PRKG1: variants seen among roughly 807,000 people sequenced by gnomAD.
PRKG1 encodes protein kinase cGMP-dependent 1.
In PRKG1, 35 loss-of-function variants were observed where a neutral mutation model predicts 88.1. That is an observed-to-expected ratio of 0.40 (90% confidence interval 0.30 to 0.53). The LOEUF (loss-of-function observed/expected upper bound fraction) is 0.53, where lower values mean the gene tolerates loss of function less well. PRKG1 is among the 20% of genes least tolerant of loss of function. The pLI is 0.59. For missense variants in PRKG1, 540 were observed against 839.8 expected, an observed-to-expected ratio of 0.64 and a Z score of 4.41; for synonymous variants, 303 against 292.5, an observed-to-expected ratio of 1.04 and a Z score of -0.37.
intron 1 of PRKG1, among the ~76,000 whole-genome samples, chr10:51,118,492 ACT>A (rs1845184476): frequency 2.0e-5 from 3 of 152,080 alleles, no homozygotes; most frequent in East Asian, 1.9e-4. Flanking sequence ...AATGATAATA[ACT>A]CTGTTTATTA....
chr10:52,063,608 C>A lies in PRKG1; in HGVS notation c.935+977C>A, dbSNP rs116681621. Among the ~76,000 whole-genome samples, 476 of 152,286 alleles carry A rather than the reference C, an allele frequency of 3.1e-3. 2 individuals are homozygous for A. Among genetic ancestry groups the A allele is most frequent in the African/African-American group, 0.011 (447 of 41,566 alleles). Reference sequence around the variant, plus strand: ...ACCTGTGACCGGGAAGAATGTGGTACGCAGACAAGTGGAGGTTGAACAGGA... The same window carrying A: ...ACCTGTGACCGGGAAGAATGTGGTAAGCAGACAAGTGGAGGTTGAACAGGA... On this transcript the variant is annotated intron_variant, in intron 7 of 17. Coordinates refer to ENST00000373980, the MANE Select transcript of PRKG1 (RefSeq NM_006258.4).
rs150778279 is a variant in PRKG1 at position 52,166,050 on chromosome 10, T to C, written c.1076+4087T>C. ...ATGGCATGCTTAAGCTTCTCTTGAT[T>C]GTTGCTAATTATCCACTGAGGGCTT... On this transcript the variant is annotated intron_variant, in intron 9 of 17. Coordinates refer to ENST00000373980, the MANE Select transcript of PRKG1 (RefSeq NM_006258.4). Among the ~76,000 whole-genome samples the C allele has an allele frequency of 2.2e-3, 338 of 152,336 alleles. 1 individual carries two copies. Among genetic ancestry groups the C allele is most frequent in the Non-Finnish European group, 4.2e-3 (286 of 68,030 alleles).
chr10:51,197,066 G>T (rs1837787231), intron 2 of PRKG1, among the ~76,000 whole-genome samples: 1 of 152,044 alleles, frequency 6.6e-6, no homozygotes, highest in Non-Finnish European at 1.5e-5. Context: ...GGCAAAGGCT[G>T]TCTTTGGTAT....
intron 3 of PRKG1, among the ~76,000 whole-genome samples, chr10:51,559,997 G>T (rs1837415841): frequency 6.6e-6 from 1 of 152,052 alleles, no homozygotes; most frequent in South Asian, 2.1e-4. Flanking sequence ...AGTAAATTCT[G>T]CAACAGTGAC....
chr10:52,240,429 C>T (rs951263878), intron 9 of PRKG1, among the ~76,000 whole-genome samples: 7 of 152,066 alleles, frequency 4.6e-5, no homozygotes, highest in African/African-American at 1.7e-4. Context: ...GATGGGATCC[C>T]GGACCAGAAA....
chr10:51,159,347 T>G (rs1846304419), intron 2 of PRKG1, among the ~76,000 whole-genome samples: 1 of 152,186 alleles, frequency 6.6e-6, no homozygotes, highest in African/African-American at 2.4e-5. Context: ...CATTTTATTC[T>G]TTACAATCAG....
chr10:51,386,415 C>CA (rs1279680469), intron 2 of PRKG1, among the ~76,000 whole-genome samples: 4 of 152,016 alleles, frequency 2.6e-5, no homozygotes, highest in African/African-American at 9.7e-5. Context: ...AGTCTGAGTC[C>CA]AAAGGCCTGA....
At chr10:51,924,104 C>T (rs539306838) in intron 5 of PRKG1, among the ~76,000 whole-genome samples, 1 of 152,212 alleles carries the variant, frequency 6.6e-6, no homozygotes, top group African/African-American at 2.4e-5. Flanking sequence ...TAATCAAAGG[C>T]ATGAGCCACC....
intron 9 of PRKG1, among the ~76,000 whole-genome samples, chr10:52,167,939 C>T (rs1393624922): frequency 1.3e-5 from 2 of 152,114 alleles, no homozygotes; most frequent in African/African-American, 4.8e-5. Context: ...TGTGAAGCCT[C>T]CAAATGAGCA....
chr10:51,718,780 G>A (rs1803564842), intron 3 of PRKG1, among the ~76,000 whole-genome samples: 2 of 151,654 alleles, frequency 1.3e-5, no homozygotes, highest in Non-Finnish European at 1.5e-5. Context: ...GCTGGGAAGG[G>A]TAGTAGGGGC....
At chr10:51,542,995 G>A (rs1177366989) in intron 3 of PRKG1, among the ~76,000 whole-genome samples, 1 of 152,190 alleles carries the variant, frequency 6.6e-6, no homozygotes, top group East Asian at 1.9e-4. Flanking sequence ...CCATAAACAG[G>A]AGTGGCGCAC....
intron 2 of PRKG1, among the ~76,000 whole-genome samples, chr10:51,396,116 T>C (rs1837569819): frequency 6.6e-6 from 1 of 152,242 alleles, no homozygotes; most frequent in African/African-American, 2.4e-5. Flanking sequence ...CTAGCTGCCA[T>C]GGCTAATGCC....
At position 51,285,775 on chromosome 10, in the gene PRKG1, A is replaced by G. The variant is rs118070658; in HGVS notation, c.478+132445A>G. Among the ~76,000 whole-genome samples, 504 of 152,294 alleles carry G rather than the reference A, an allele frequency of 3.3e-3. 1 individual carries two copies. The highest frequency in any genetic ancestry group is 6.8e-3 in the Middle Eastern group (2 of 292). ...AGTGGGAGATGAAAGGGCTGAGGCA[A>G]AGTGATATGCACAGAGGTGAAGAGT... is the stretch of plus-strand genomic sequence containing the variant. On this transcript the variant is annotated intron_variant, in intron 2 of 17. Transcript: ENST00000373980.
intron 3 of PRKG1, among the ~76,000 whole-genome samples, chr10:51,503,707 A>C (rs899765550): frequency 1.4e-5 from 2 of 142,380 alleles, no homozygotes; most frequent in Admixed American, 1.4e-4. Flanking sequence ...TCTCTTTTGC[A>C]TCTGGGTAAA....
intron 3 of PRKG1, among the ~76,000 whole-genome samples, chr10:51,695,148 G>A (rs1276602450): frequency 6.6e-6 from 1 of 152,112 alleles, no homozygotes; most frequent in Admixed American, 6.6e-5. Context: ...GGAAGTGGAC[G>A]TAAAAAGTGC....
chr10:52,197,146 T>A (rs1839526461), intron 9 of PRKG1, among the ~76,000 whole-genome samples: 1 of 152,142 alleles, frequency 6.6e-6, no homozygotes, highest in African/African-American at 2.4e-5. Context: ...ACATTCAGAT[T>A]TTTTTGTGTA....
chr10:51,285,301 A>G (rs986597609), intron 2 of PRKG1, among the ~76,000 whole-genome samples: 3 of 151,992 alleles, frequency 2.0e-5, no homozygotes, highest in African/African-American at 7.3e-5. Context: ...ATACTATAAA[A>G]CATTATTGTT....
At chr10:51,007,651 G>A (rs947946033) in intron 1 of PRKG1, among the ~76,000 whole-genome samples, 7 of 152,064 alleles carry the variant, frequency 4.6e-5, no homozygotes, top group African/African-American at 1.7e-4. Context: ...AATTTCCCCC[G>A]TAAATGAGAA....
chr10:51,165,669 C>A (rs944925094), intron 2 of PRKG1, among the ~76,000 whole-genome samples: 3 of 152,032 alleles, frequency 2.0e-5, no homozygotes, highest in Non-Finnish European at 2.9e-5. Context: ...TGCAGTGACA[C>A]ACATAGGCTC....
Sources: gnomAD v4.1 joint callset for allele counts (sites outside exome capture counted in the v4.1 genomes callset) on GRCh38, gnomAD v4.1.1 for gene constraint, MANE v1.5 for transcripts, NCBI Gene and HGNC (gene_info 2026-07-23, HGNC 2026-07-21) for gene names.